Variants in CUX2 observed in about 807,000 individuals in gnomAD.
The protein encoded by CUX2 is homeobox protein cut-like 2.
In CUX2, 40 loss-of-function variants were observed where a neutral mutation model predicts 144.8. The ratio of observed to expected loss-of-function variants is 0.28; its 90% CI spans 0.21 to 0.36. The LOEUF (loss-of-function observed/expected upper bound fraction) is 0.36. Ranked by LOEUF, CUX2 falls within the 10% of genes least tolerant of loss-of-function variation. The pLI, the probability that CUX2 is intolerant of heterozygous loss-of-function variation, is 1.00. For missense variants in CUX2, 1,615 were observed against 1,994.0 expected (o/e 0.81, Z 3.62); for synonymous variants, 827 against 875.6 (o/e 0.94, Z 0.98).
In CUX2 at chr12:111,095,538, GTGGTCTGCC is replaced by G. The variant is rs1001488029; in HGVS notation, c.63+61300_63+61308del. On this transcript the variant is annotated intron_variant, in intron 1 of 21. Transcript: ENST00000261726. ...TTACCCACTGTGTGTTCTTAGGCAA[GTGGTCTGCC>G]TTCTCTGAGTCTTTATTTCCTGGTC... Among the ~76,000 whole-genome samples the G allele has an allele frequency of 6.1e-4, 93 of 152,178 alleles. 1 individual carries two copies. Among genetic ancestry groups the G allele is most frequent in the African/African-American group, 2.2e-3 (92 of 41,446 alleles).
intron 1 of CUX2, among the ~76,000 whole-genome samples, chr12:111,135,159 G>A (rs1184634479): frequency 6.6e-6 from 1 of 150,656 alleles, no homozygotes; most frequent in Non-Finnish European, 1.5e-5. Flanking sequence ...TAGTAGAAAG[G>A]TATGTGTGTG....
chr12:111,345,545 C>T (rs1888762021), intron 21 of CUX2, among the ~76,000 whole-genome samples: 2 of 150,120 alleles, frequency 1.3e-5, no homozygotes, highest in Non-Finnish European at 3.0e-5. Context: ...AGATCGAGAC[C>T]ATCCTGGCTA....
chr12:111,274,005 C>T (rs1884743656), intron 4 of CUX2, among the ~76,000 whole-genome samples: 1 of 152,192 alleles, frequency 6.6e-6, no homozygotes. Context: ...CAGACACCAC[C>T]CCTGCCCTCC....
In CUX2 at chr12:111,150,161, C is replaced by T. The variant is rs140253800; in HGVS notation, c.64-64039C>T. Among the ~76,000 whole-genome samples, 61 of 152,344 alleles carry T rather than the reference C, an allele frequency of 4.0e-4. 1 individual carries two copies. The East Asian group carries it at 0.011, about 28-fold the overall frequency. On this transcript the variant is annotated intron_variant, in intron 1 of 21. Transcript: ENST00000261726. The stretch of plus-strand genomic sequence containing the variant: ...CGCCCTGGCACATAGTAGGTGCTTG[C>T]TTCATTACTATTTGTCGACAGCTAA...
rs548074444 is a variant in CUX2 at position 111,093,541 on chromosome 12, A to G, written c.63+59301A>G. ...GAAAGTAAAAATAACCCAACGCCTG[A>G]GTCACTGAAGTCACTGAACTCAGCT... is the stretch of plus-strand genomic sequence containing the variant. On this transcript the variant is annotated intron_variant, in intron 1 of 21. Coordinates refer to ENST00000261726, the MANE Select transcript of CUX2 (RefSeq NM_015267.4). Among the ~76,000 whole-genome samples the G allele has an allele frequency of 5.3e-5, 8 of 152,008 alleles. No individual in the cohort carries two copies. The East Asian group carries it at 1.4e-3, about 26-fold the overall frequency.
intron 3 of CUX2, among the ~76,000 whole-genome samples, chr12:111,247,957 A>G (rs1036864324): frequency 1.3e-5 from 2 of 152,216 alleles, no homozygotes; most frequent in African/African-American, 4.8e-5. Flanking sequence ...CCCAGGCTAG[A>G]GTGCAGTGGT....
intron 1 of CUX2, among the ~76,000 whole-genome samples, chr12:111,149,935 C>T (rs1876930796): frequency 6.6e-6 from 1 of 152,156 alleles, no homozygotes; most frequent in Non-Finnish European, 1.5e-5. Context: ...GGTAAGTGCA[C>T]AGTCTGCACA....
chr12:111,122,436 C>T (rs1255135651), intron 1 of CUX2, among the ~76,000 whole-genome samples: 2 of 151,000 alleles, frequency 1.3e-5, no homozygotes, highest in Non-Finnish European at 1.5e-5. Flanking sequence ...CCAGAAAGTT[C>T]GGAATATAAA....
chr12:111,034,692 A>G lies in CUX2; in HGVS notation c.63+452A>G, dbSNP rs1869329897. ...CACCCGGCTGGGGCTCCGGCGAGGG[A>G]GGGAGGGAGCTGGCGGGCAGGGAGG... On this transcript the variant is annotated intron_variant, in intron 1 of 21. Coordinates refer to ENST00000261726, the MANE Select transcript of CUX2 (RefSeq NM_015267.4). This position sits in a 1 kb window ranked among gnomAD's most constrained non-coding sequence, Gnocchi z 4.2. Among the ~76,000 whole-genome samples the G allele has an allele frequency of 2.7e-5, 4 of 150,442 alleles. No homozygotes were observed. In the South Asian group the frequency reaches 8.4e-4, roughly 32 times the overall value.
Position 111,197,145 on chromosome 12 carries a change from C to G in CUX2, c.64-17055C>G, listed in dbSNP as rs1048272514. On this transcript the variant is annotated intron_variant, in intron 1 of 21. Coordinates refer to ENST00000261726, the MANE Select transcript of CUX2 (RefSeq NM_015267.4). ...AGACCTGGGGCAACTGACCTATTCC[C>G]TCCTAGCCTCAGTTTTCTCATCTGC... is the stretch of plus-strand genomic sequence containing the variant. Among the ~76,000 whole-genome samples, 9 of 152,304 alleles carry G rather than the reference C, an allele frequency of 5.9e-5. No homozygotes were observed. The South Asian group carries it at 1.5e-3, about 25-fold the overall frequency.
At chr12:111,324,951 AT>A (rs1887702843) in intron 18 of CUX2, among the ~76,000 whole-genome samples, 1 of 152,116 alleles carries the variant, frequency 6.6e-6, no homozygotes, top group African/African-American at 2.4e-5. Flanking sequence ...AAATACAATG[AT>A]TTAAAAACTC....
At chr12:111,113,577 CAG>C (rs144786664) in intron 1 of CUX2, among the ~76,000 whole-genome samples, 4,588 of 152,130 alleles carry the variant, frequency 0.03, 230 homozygotes, top group African/African-American at 0.11. Context: ...TTTTTTGAGA[CAG>C]AGTCTCGCTC....
At chr12:111,250,782 A>G (rs1883524656) in intron 3 of CUX2, among the ~76,000 whole-genome samples, 1 of 152,182 alleles carries the variant, frequency 6.6e-6, no homozygotes, top group Non-Finnish European at 1.5e-5. Flanking sequence ...CCACATGCCA[A>G]GCAGCGTGGG....
chr12:111,193,096 G>A (rs1156675939), intron 1 of CUX2, among the ~76,000 whole-genome samples: 2 of 152,196 alleles, frequency 1.3e-5, no homozygotes, highest in Non-Finnish European at 2.9e-5. Flanking sequence ...TGAATGGAGT[G>A]TGAGCCAAGG....
intron 1 of CUX2, among the ~76,000 whole-genome samples, chr12:111,172,140 T>G (rs987309257): frequency 5.3e-5 from 8 of 152,212 alleles, no homozygotes; most frequent in Non-Finnish European, 1.0e-4. Context: ...TGTGCCTTTG[T>G]GTGTGCATGT....
intron 1 of CUX2, among the ~76,000 whole-genome samples, chr12:111,075,555 G>A (rs1871487091): frequency 6.6e-6 from 1 of 152,124 alleles, no homozygotes; most frequent in Non-Finnish European, 1.5e-5. Flanking sequence ...GTTCGGATGC[G>A]GAGAGGGAGC....
In CUX2 at chr12:111,320,354, C is replaced by A; in HGVS notation, c.2345C>A (p.Ala782Asp). The A allele has an allele frequency of 6.3e-7, 1 of 1,598,178 alleles. No individual in the cohort carries two copies. The highest frequency in any genetic ancestry group is 1.1e-5 in the South Asian group (1 of 91,062). Residue 782 changes from alanine to aspartate, a missense_variant, in exon 17 of 22, where the codon GCC (alanine) becomes GAC (aspartate). By Grantham distance (126) the Ala-to-Asp change is moderately radical. Coordinates refer to ENST00000261726, the MANE Select transcript of CUX2 (RefSeq NM_015267.4). This position sits in a 1 kb window ranked among gnomAD's most constrained non-coding sequence, Gnocchi z 8.1. ...IRKVKSEIGD[A>D]GYFDHHWASD... is the part of the protein sequence containing the mutation. ...AAGGTCAAGTCCGAGATCGGCGACG[C>A]CGGCTACTTCGACCACCACTGGGCC...
At chr12:111,078,980 T>G (rs1378618242) in intron 1 of CUX2, among the ~76,000 whole-genome samples, 2 of 152,194 alleles carry the variant, frequency 1.3e-5, no homozygotes, top group African/African-American at 4.8e-5. Flanking sequence ...CCCAAGCCTA[T>G]CCTGGCCTGG....
At chr12:111,276,562 G>A (rs1884880908) in intron 4 of CUX2, among the ~76,000 whole-genome samples, 1 of 152,140 alleles carries the variant, frequency 6.6e-6, no homozygotes, top group Non-Finnish European at 1.5e-5. Context: ...GGTTCCCTCG[G>A]CTAGGCCTCA....
Sources: gnomAD v4.1 joint callset for allele counts (sites outside exome capture counted in the v4.1 genomes callset) on GRCh38, gnomAD v4.1.1 for gene constraint, Gnocchi (gnomAD v3.1) non-coding constraint, MANE v1.5 for transcripts, NCBI Gene and HGNC (gene_info 2026-07-23, HGNC 2026-07-21) for gene names.